The following EIPR1 variants were observed in gnomAD, a reference collection of about 807,000 sequenced individuals.
EIPR1 encodes EARP and GARP complex-interacting protein 1.
EIPR1 carries 25 observed loss-of-function variants against 48.1 expected under a neutral mutation model. That is an observed-to-expected ratio of 0.52 (90% CI 0.38 to 0.73). The LOEUF is 0.73. Among genes scored for constraint, EIPR1 ranks in the 30% least tolerant of loss-of-function variants. The probability of loss-of-function intolerance (pLI) is 0.00; values close to 1 mark genes in which losing one functional copy is unlikely to be tolerated. For missense variants in EIPR1, 415 were observed against 506.2 expected (o/e 0.82, Z 1.73); for synonymous variants, 204 against 201.9 (o/e 1.01, Z -0.09).
intron 4 of EIPR1, among the ~76,000 whole-genome samples, chr2:3,254,708 G>GAA (rs1667101663): frequency 6.6e-6 from 1 of 152,248 alleles, no homozygotes; most frequent in African/African-American, 2.4e-5. Flanking sequence ...CCTTGGAGGC[G>GAA]GAAGGGAGGT....
intron 3 of EIPR1, among the ~76,000 whole-genome samples, chr2:3,337,018 G>A (rs1473625815): frequency 7.9e-6 from 1 of 127,014 alleles, no homozygotes; most frequent in Non-Finnish European, 1.7e-5. Context: ...AAGGGAAAAG[G>A]GAAAAGGGAA....
At chr2:3,193,240 G>T (rs1664672898) in intron 7 of EIPR1, among the ~76,000 whole-genome samples, 1 of 152,224 alleles carries the variant, frequency 6.6e-6, no homozygotes, top group Non-Finnish European at 1.5e-5. Context: ...GAATTTATCA[G>T]AAGTGTGCAC....
intron 2 of EIPR1, chr2:3,353,163 A>G: frequency 4.4e-6 from 2 of 451,560 alleles, no homozygotes; most frequent in South Asian, 3.3e-5. Flanking sequence ...ACCTATATGT[A>G]AGTATAGGAA....
intron 5 of EIPR1, 141 bp from the exon 6 acceptor site, chr2:3,197,158 G>A: frequency 2.9e-6 from 3 of 1,049,976 alleles, no homozygotes; most frequent in South Asian, 1.8e-5. Context: ...CTCTGTCTTT[G>A]TTTCCTTTCC....
intron 1 of EIPR1, among the ~76,000 whole-genome samples, chr2:3,358,885 C>T (rs1279897526): frequency 6.6e-6 from 1 of 152,170 alleles, no homozygotes; most frequent in East Asian, 1.9e-4. Context: ...CGTTAAAAAG[C>T]CCAAAAGCCC....
intron 4 of EIPR1, among the ~76,000 whole-genome samples, chr2:3,222,644 TGAA>T (rs1665933606): frequency 6.6e-6 from 1 of 152,152 alleles, no homozygotes; most frequent in Middle Eastern, 3.4e-3. Context: ...CACAGGGAAA[TGAA>T]GGAAGGTCAC....
chr2:3,365,291 T>TGACTATATA (rs1670946113), intron 1 of EIPR1, among the ~76,000 whole-genome samples: 1 of 151,962 alleles, frequency 6.6e-6, no homozygotes, highest in South Asian at 2.1e-4. Context: ...ATTAAGTGAT[T>TGACTATATA]GACTATATAG....
At chr2:3,298,268 T>G (rs1006153231) in intron 3 of EIPR1, 14 of 152,196 alleles carry the variant, frequency 9.2e-5, no homozygotes, top group Non-Finnish European at 1.8e-4. Context: ...TATTACAGGC[T>G]TATATATTGG....
chr2:3,335,648 C>T (rs1670020275), intron 3 of EIPR1, among the ~76,000 whole-genome samples: 1 of 152,280 alleles, frequency 6.6e-6, no homozygotes, highest in Middle Eastern at 3.4e-3. Flanking sequence ...TTGTAATCCC[C>T]ACATGTCCAG....
chr2:3,317,866 C>T (rs1455727132), intron 3 of EIPR1, among the ~76,000 whole-genome samples: 3 of 152,210 alleles, frequency 2.0e-5, no homozygotes, highest in Non-Finnish European at 4.4e-5. Context: ...TCAGGAGGAC[C>T]AGCCCTGCCA....
chr2:3,363,790 G>A (rs562937861), intron 1 of EIPR1, among the ~76,000 whole-genome samples: 2 of 126,440 alleles, frequency 1.6e-5, no homozygotes, highest in Admixed American at 1.9e-4. Flanking sequence ...AAGAAGCTCA[G>A]ACAACTCAAC....
rs989094591 is a variant in EIPR1 at position 3,333,805 on chromosome 2, G to C, written c.259+4212C>G. ...GGATTTTAGGACATCTGTGAAGAAA[G>C]ACACGGAAAGCAGCTTTAGAAGAGG... On this transcript the variant is annotated intron_variant, in intron 3 of 8. Transcript: ENST00000382125. 2.0e-5 allele frequency among the ~76,000 whole-genome samples: 3 copies of C among 149,722 alleles called. 1 individual carries two copies. Among genetic ancestry groups the C allele is most frequent in the Admixed American group, 1.3e-4 (2 of 15,004 alleles).
Position 3,264,181 on chromosome 2 carries a change from G to A in EIPR1, c.260-6726C>T, listed in dbSNP as rs538610846. ...CTCCCGCCAGCCTCTGTTATCACCT[G>A]CTCTGCTTCTGTGACTTCAGTATTT... On this transcript the variant is annotated intron_variant, in intron 3 of 8. Transcript: ENST00000382125. 9.2e-5 allele frequency among the ~76,000 whole-genome samples: 14 copies of A among 152,238 alleles called. No homozygotes were observed. The South Asian group carries it at 2.9e-3, about 32-fold the overall frequency.
At position 3,192,294 on chromosome 2, in the gene EIPR1, G is replaced by A. The variant is rs1572271477; in HGVS notation, c.989+120C>T. On this transcript the variant is annotated intron_variant, in intron 8 of 8. Transcript: ENST00000382125. ...AGTCCCCACAGCTGCAGTGGGTAAGGAGAGTGTCCCCCAAATGCACTCCTG... is the reference window on the plus strand; with the variant it reads ...AGTCCCCACAGCTGCAGTGGGTAAGAAGAGTGTCCCCCAAATGCACTCCTG... 32 of 1,221,340 alleles carry A rather than the reference G, an allele frequency of 2.6e-5. No individual in the cohort carries two copies. In the East Asian group the frequency reaches 7.7e-4, roughly 29 times the overall value. 75.7% of individuals were successfully genotyped at this position (1,221,340 alleles called of 1,614,324 possible).
chr2:3,295,060 T>TA (rs1668508616), intron 3 of EIPR1, among the ~76,000 whole-genome samples: 1 of 113,948 alleles, frequency 8.8e-6, no homozygotes, highest in Non-Finnish European at 1.8e-5. Flanking sequence ...CCATTCTCTC[T>TA]CCACACACAC....
chr2:3,367,795 T>C (rs1462238171), intron 1 of EIPR1, among the ~76,000 whole-genome samples: 1 of 152,146 alleles, frequency 6.6e-6, no homozygotes. Context: ...ACACCTGTAA[T>C]CCCAGCACTT....
At chr2:3,357,184 C>T (rs762158760) in intron 1 of EIPR1, among the ~76,000 whole-genome samples, 9 of 152,230 alleles carry the variant, frequency 5.9e-5, no homozygotes, top group Non-Finnish European at 1.3e-4. Context: ...GGCCCTTGAG[C>T]AGCTGCTCGG....
Position 3,247,556 on chromosome 2 carries a change from A to C in EIPR1, c.416+9743T>G, listed in dbSNP as rs567663142. The stretch of plus-strand genomic sequence containing the variant: ...GCTCTTACCTGCAGAGTTCCAGGAA[A>C]CCTCCCCTTTATCAGGGCTCCGAAG... On this transcript the variant is annotated intron_variant, in intron 4 of 8. Coordinates refer to ENST00000382125, the MANE Select transcript of EIPR1 (RefSeq NM_003310.5). Among the ~76,000 whole-genome samples, 40 of 152,180 alleles carry C rather than the reference A, an allele frequency of 2.6e-4. No individual in the cohort carries two copies. The South Asian group carries it at 3.7e-3, about 14-fold the overall frequency.
At chr2:3,195,109 G>A (rs373003094) in intron 6 of EIPR1, among the ~76,000 whole-genome samples, 30 of 152,344 alleles carry the variant, frequency 2.0e-4, no homozygotes, top group African/African-American at 6.5e-4. Context: ...GCTGCTCCTC[G>A]CAGGGTCTGA....
Sources: allele counts gnomAD v4.1 joint callset (sites outside exome capture counted in the v4.1 genomes callset), GRCh38; gene constraint gnomAD v4.1.1; transcripts MANE v1.5; gene names NCBI Gene and HGNC (gene_info 2026-07-23, HGNC 2026-07-21).